STRIP1: variants seen among roughly 807,000 people sequenced by gnomAD.
The protein encoded by STRIP1 is striatin-interacting protein 1.
Under a neutral mutation model 106.2 loss-of-function variants are expected in STRIP1, and 63 were observed. That is an observed-to-expected ratio of 0.59 (90% CI 0.48 to 0.73). The LOEUF (loss-of-function observed/expected upper bound fraction) is 0.73, where lower values mean the gene tolerates loss of function less well. Ranked by LOEUF, STRIP1 falls within the 30% of genes least tolerant of loss-of-function variation. STRIP1 has a pLI of 0.00. For synonymous variants in STRIP1, 390 were observed against 413.0 expected (o/e 0.94, Z 0.67); for missense variants, 857 against 1,074.8 (o/e 0.80, Z 2.83).
rs895937687 is a variant in STRIP1, at chr1:110,049,586, G to T, written c.1889+26G>T. On this transcript the variant is annotated intron_variant, in intron 17 of 20. Transcript: ENST00000369795. ...GTGATGAGGGCCAGGGACCATGAAG[G>T]GGTGGATATGGTCAGACGGCAGAGT... 14 of 1,510,978 alleles carry T rather than the reference G, an allele frequency of 9.3e-6. No homozygotes were observed. The East Asian group carries it at 2.9e-4, about 32-fold the overall frequency. The allele number at this position is 1,510,978 out of a possible 1,614,324, so 93.6% of individuals were successfully genotyped here.
chr1:110,037,866 T>C, intron 1 of STRIP1, 25 bp from the exon 2 acceptor site: 1 of 1,559,788 alleles, frequency 6.4e-7, no homozygotes, highest in African/African-American at 1.4e-5. Flanking sequence ...TCCTTTTTCC[T>C]AAAGCTCTCT....
At chr1:110,032,850 C>T (rs1652260051), upstream of STRIP1, among the ~76,000 whole-genome samples, 1 of 152,194 alleles carries the variant, frequency 6.6e-6, no homozygotes, top group African/African-American at 2.4e-5. Context: ...CCAATCCCTT[C>T]TCCAAAAGCA....
chr1:110,034,289 C>T (rs1652324162), upstream of STRIP1, among the ~76,000 whole-genome samples: 1 of 152,138 alleles, frequency 6.6e-6, no homozygotes, highest in South Asian at 2.1e-4. Context: ...GGATCCTATC[C>T]ATTTTGTTCA....
intron 12 of STRIP1, 34 bp from the exon 13 acceptor site, chr1:110,046,646 T>C (rs759720137): frequency 1.2e-6 from 2 of 1,603,534 alleles, no homozygotes; most frequent in African/African-American, 2.7e-5. Context: ...GAGAATGTTT[T>C]CCCCAGCCCT....
intron 1 of STRIP1, among the ~76,000 whole-genome samples, chr1:110,035,035 T>A (rs980120496): frequency 6.6e-6 from 1 of 152,134 alleles, no homozygotes; most frequent in African/African-American, 2.4e-5. Context: ...CGGGAGAGCT[T>A]CCCGTGGCCG....
Position 110,054,071 on chromosome 1 carries a change from T to C in STRIP1, c.*159T>C, listed in dbSNP as rs146783341. On this transcript the variant is annotated 3_prime_UTR_variant, in exon 21 of 21. Coordinates refer to ENST00000369795, the MANE Select transcript of STRIP1 (RefSeq NM_033088.4). Reference sequence around the variant, plus strand: ...TGTCCTGGGCTTGGGTGAGCCCAGCTTGACCTCCCCTTGGTTCCCAGGGTC... The same window carrying C: ...TGTCCTGGGCTTGGGTGAGCCCAGCCTGACCTCCCCTTGGTTCCCAGGGTC... The C allele has an allele frequency of 3.3e-4, 273 of 818,628 alleles. No individual in the cohort carries two copies. In the African/African-American group the frequency reaches 4.4e-3, roughly 13 times the overall value. 50.7% of individuals were successfully genotyped at this position (818,628 alleles called of 1,614,324 possible).
chr1:110,050,693 C>A (rs1477008019), intron 18 of STRIP1, among the ~76,000 whole-genome samples: 1 of 152,172 alleles, frequency 6.6e-6, no homozygotes, highest in Non-Finnish European at 1.5e-5. Context: ...CTGGACTCGG[C>A]AGTAGGAGCT....
chr1:110,049,099 A>G lies in STRIP1; in HGVS notation c.1662-13A>G. 1 of 1,614,134 alleles carries G rather than the reference A, an allele frequency of 6.2e-7. No individual in the cohort carries two copies. The highest frequency in any genetic ancestry group is 8.5e-7 in the Non-Finnish European group (1 of 1,179,994). On this transcript the variant is annotated splice_polypyrimidine_tract_variant and intron_variant, in intron 15 of 20. Transcript: ENST00000369795. ...CGCATGCTGGTGGCTTACCCAGGCA[A>G]TTATGTTTCCAGCACCACAGTGTTG...
At chr1:110,041,046 T>G in intron 6 of STRIP1, 1 of 229,622 alleles carries the variant, frequency 4.4e-6, no homozygotes. Context: ...CCTTCTTGTG[T>G]ACACAGCTTG....
At chr1:110,046,177 T>C (rs1188461196) in intron 12 of STRIP1, among the ~76,000 whole-genome samples, 2 of 152,148 alleles carry the variant, frequency 1.3e-5, no homozygotes, top group South Asian at 2.1e-4. Flanking sequence ...CTTCTTACTG[T>C]AGTTGCAAGA....
At chr1:110,048,292 G>A (rs1022249524) in intron 15 of STRIP1, 2 of 203,114 alleles carry the variant, frequency 9.8e-6, no homozygotes, top group East Asian at 1.1e-4. Context: ...GATTGGGCAC[G>A]CAGAATGCTG....
In STRIP1 at chr1:110,047,804, A is replaced by G. The variant is rs1206911165; in HGVS notation, c.1596A>G (p.Ala532=). The change falls in exon 15 of 21, where the codon GCA becomes GCG. Residue 532 remains alanine (A), a synonymous_variant. Coordinates refer to ENST00000369795, the MANE Select transcript of STRIP1 (RefSeq NM_033088.4). The stretch of plus-strand genomic sequence containing the variant: ...TCCTGAAGATCCTGTTGGCTGCAGC[A>G]CCCACCTCAAAAGCCAAAACAGACT... ...IALLKILLAA[A]PTSKAKTDSI... 2 of 1,570,368 alleles carry G rather than the reference A, an allele frequency of 1.3e-6. No individual in the cohort carries two copies. Among genetic ancestry groups the G allele is most frequent in the Admixed American group, 1.9e-5 (1 of 53,322 alleles).
chr1:110,043,250 C>T lies in STRIP1; in HGVS notation c.1048C>T (p.Arg350Trp), dbSNP rs754481166. 142 of 1,611,734 alleles carry T rather than the reference C, an allele frequency of 8.8e-5. No individual in the cohort carries two copies. Among genetic ancestry groups the T allele is most frequent in the Non-Finnish European group, 9.7e-5 (114 of 1,180,030 alleles). Residue 350 changes from arginine (R) to tryptophan (W), a missense_variant, in exon 9 of 21, where the codon CGG becomes TGG. Arg to Trp is a moderately radical substitution (Grantham distance 101, BLOSUM62 -3). Coordinates refer to ENST00000369795, the MANE Select transcript of STRIP1 (RefSeq NM_033088.4). Reference sequence around the variant, plus strand: ...AGACTTGATTGAGCAGCAGCAGAAACGGGGCCGCCGAGAGCACAAGGTGAG... The same window carrying T: ...AGACTTGATTGAGCAGCAGCAGAAATGGGGCCGCCGAGAGCACAAGGTGAG... ...ASDLIEQQQKRGRREHKALIK... is the reference protein window; with the variant it reads ...ASDLIEQQQKWGRREHKALIK...
intron 2 of STRIP1, 95 bp downstream of exon 2, chr1:110,038,055 T>A: frequency 2.4e-6 from 1 of 414,902 alleles, no homozygotes; most frequent in South Asian, 2.7e-5. Flanking sequence ...CTTCATTGCT[T>A]TCCCTAGTTC....
intron 1 of STRIP1, among the ~76,000 whole-genome samples, chr1:110,035,893 G>A (rs1359389028): frequency 3.3e-5 from 5 of 152,160 alleles, no homozygotes; most frequent in Non-Finnish European, 7.3e-5. Context: ...CAAGCCCGAA[G>A]TAGACGTAAT....
Position 110,051,060 on chromosome 1 carries a change from G to A in STRIP1, c.2061G>A (p.Met687Ile). Residue 687 changes from methionine (M) to isoleucine (I), a missense_variant and splice_region_variant, in exon 19 of 21, where the codon ATG (methionine) becomes ATA (isoleucine). Transcript: ENST00000369795. ...KLTKWKHSRTMMLVVFKSAPI... is the reference protein window; with the variant it reads ...KLTKWKHSRTIMLVVFKSAPI... Reference sequence around the variant, plus strand: ...CAAAGTGGAAGCATTCAAGGACAATGGTAAGTGAGTCAGTGTAGTCAGCAG... The same window carrying A: ...CAAAGTGGAAGCATTCAAGGACAATAGTAAGTGAGTCAGTGTAGTCAGCAG... 1 of 1,583,804 alleles carries A rather than the reference G, an allele frequency of 6.3e-7. No homozygotes were observed. The highest frequency in any genetic ancestry group is 8.7e-7 in the Non-Finnish European group (1 of 1,152,322).
chr1:110,043,188 G>A lies in STRIP1; in HGVS notation c.986G>A (p.Arg329His), dbSNP rs766271423. The A allele has an allele frequency of 2.5e-6, 4 of 1,613,966 alleles. No homozygotes were observed. Among genetic ancestry groups the A allele is most frequent in the Non-Finnish European group, 3.4e-6 (4 of 1,180,028 alleles). ...CCTGAGGACAGCATCAAAGTGATTC[G>A]CAACATGAGAGCAGCCTCTCCACCA... ...PLPEDSIKVI[R>H]NMRAASPPAS... Residue 329 changes from arginine (R) to histidine (H), a missense_variant, in exon 9 of 21, where the codon CGC becomes CAC. This residue lies in a region of STRIP1 where 750 missense variants were observed against 989.8 expected (regional missense o/e 0.76). Transcript: ENST00000369795.
At chr1:110,051,957 C>T (rs1175425779) in intron 20 of STRIP1, 70 bp downstream of exon 20, 1 of 1,505,874 alleles carries the variant, frequency 6.6e-7, no homozygotes, top group African/African-American at 1.4e-5. Flanking sequence ...CACTCCCTGC[C>T]CGTGGTACTC....
Position 110,034,648 on chromosome 1 carries a change from C to T in STRIP1, c.11C>T (p.Ala4Val). MEPAVGGPGPLIVN... is the reference protein window; with the variant it reads MEPVVGGPGPLIVN... ...TGTGGAGCAGCCAAGATGGAGCCGG[C>T]AGTCGGCGGTCCGGGCCCACTGATC... Residue 4 changes from alanine to valine, a missense_variant, in exon 1 of 21, where the codon GCA becomes GTA. Ala to Val is a moderately conservative substitution (Grantham distance 64, BLOSUM62 0). This residue lies in a region of STRIP1 where 107 missense variants were observed against 85.1 expected (regional missense o/e 1.26). Transcript: ENST00000369795. The T allele has an allele frequency of 2.0e-6, 3 of 1,521,142 alleles. No homozygotes were observed. The highest frequency in any genetic ancestry group is 1.2e-5 in the South Asian group (1 of 82,004). The allele number at this position is 1,521,142 out of a possible 1,614,324, so 94.2% of individuals were successfully genotyped here.
Sources: gnomAD v4.1 joint callset for allele counts (sites outside exome capture counted in the v4.1 genomes callset) on GRCh38, gnomAD v4.1.1 for gene constraint, gnomAD v4.1.1 regional missense constraint, MANE v1.5 for transcripts, NCBI Gene and HGNC (gene_info 2026-07-23, HGNC 2026-07-21) for gene names.